CCDC178: variants seen among roughly 807,000 people sequenced by gnomAD.
CCDC178 encodes the protein coiled-coil domain-containing protein 178.
In CCDC178, 126 loss-of-function variants were observed where a neutral mutation model predicts 117.4. That is an observed-to-expected ratio of 1.07 (90% confidence interval 0.93 to 1.24). The LOEUF is 1.24. Among genes scored for constraint, CCDC178 ranks in the 50% most tolerant of loss-of-function variants. CCDC178 has a pLI of 0.00. For synonymous variants in CCDC178, 283 were observed against 313.4 expected (o/e 0.90, Z 1.02); for missense variants, 1,030 against 986.9 (o/e 1.04, Z -0.59).
At chr18:33,432,717 T>C (rs969214038) in intron 2 of CCDC178, among the ~76,000 whole-genome samples, 2 of 152,208 alleles carry the variant, frequency 1.3e-5, no homozygotes, top group East Asian at 1.9e-4. Context: ...GGATTATTTA[T>C]GATGCTCTGT....
chr18:33,401,810 T>C (rs933293480), intron 3 of CCDC178, among the ~76,000 whole-genome samples: 5 of 152,044 alleles, frequency 3.3e-5, no homozygotes, highest in Non-Finnish European at 5.9e-5. Flanking sequence ...AGGTTTTATT[T>C]ATATAAGTTG....
intron 3 of CCDC178, among the ~76,000 whole-genome samples, chr18:33,410,274 G>A (rs1599286091): frequency 6.6e-6 from 1 of 152,104 alleles, no homozygotes; most frequent in East Asian, 1.9e-4. Context: ...ATTTAAATAT[G>A]AGTTACACAC....
intron 12 of CCDC178, among the ~76,000 whole-genome samples, chr18:33,272,829 T>C (rs1401630578): frequency 2.0e-5 from 3 of 151,446 alleles, no homozygotes; most frequent in African/African-American, 7.2e-5. Context: ...AGAAAAATCA[T>C]TTGAAATATT....
At chr18:33,220,802 G>A (rs548839974) in intron 18 of CCDC178, among the ~76,000 whole-genome samples, 8 of 151,962 alleles carry the variant, frequency 5.3e-5, no homozygotes, top group Non-Finnish European at 1.0e-4. Flanking sequence ...TACCCATGCT[G>A]GGAAAATGAT....
In CCDC178 at chr18:32,974,570, T is replaced by A. The variant is rs1210070297; in HGVS notation, c.2500A>T (p.Ile834Phe). The change falls in exon 22 of 23, where the codon ATT (isoleucine) becomes TTT (phenylalanine). Residue 834 changes from isoleucine (I) to phenylalanine (F), a missense_variant. Physicochemically the swap from Ile to Phe is conservative, Grantham distance 21 (BLOSUM62 0). Transcript: ENST00000383096. Reference sequence around the variant, plus strand: ...ACCTGCACAGCTAATATTTTCTGAATACTCTCCTGAGAGTCTGTCTGGAAG... The same window carrying A: ...ACCTGCACAGCTAATATTTTCTGAAAACTCTCCTGAGAGTCTGTCTGGAAG... ...ANFQTDSQES[I>F]QKILAVQEES... 1 of 1,613,606 alleles carries A rather than the reference T, an allele frequency of 6.2e-7. No individual in the cohort carries two copies.
At chr18:33,432,656 G>T (rs144566456) in intron 2 of CCDC178, among the ~76,000 whole-genome samples, 1,708 of 152,210 alleles carry the variant, frequency 0.011, 36 homozygotes, top group African/African-American at 0.039. Flanking sequence ...TCTAAAGAAA[G>T]ACTGAATCTC....
At chr18:32,957,555 C>T (rs1347985843) in intron 22 of CCDC178, among the ~76,000 whole-genome samples, 2 of 152,124 alleles carry the variant, frequency 1.3e-5, no homozygotes, top group Admixed American at 1.3e-4. Context: ...ATTAGGGAGC[C>T]TTACCTTCAT....
chr18:33,411,158 C>T (rs2063846169), intron 3 of CCDC178, among the ~76,000 whole-genome samples: 1 of 152,098 alleles, frequency 6.6e-6, no homozygotes, highest in African/African-American at 2.4e-5. Context: ...GCTGTATGCA[C>T]CTGCATTTTT....
intron 2 of CCDC178, among the ~76,000 whole-genome samples, chr18:33,421,874 AT>A (rs1381484814): frequency 2.6e-5 from 4 of 152,230 alleles, no homozygotes; most frequent in African/African-American, 9.6e-5. Context: ...TTACACATCA[AT>A]TGTTTCAAAA....
At chr18:33,303,124 G>A (rs2062200231) in intron 11 of CCDC178, among the ~76,000 whole-genome samples, 1 of 152,060 alleles carries the variant, frequency 6.6e-6, no homozygotes, top group Non-Finnish European at 1.5e-5. Context: ...TACCCCATGA[G>A]TATATACATA....
intron 21 of CCDC178, among the ~76,000 whole-genome samples, chr18:33,075,518 A>G (rs2145012543): frequency 6.6e-6 from 1 of 152,294 alleles, no homozygotes; most frequent in African/African-American, 2.4e-5. Context: ...AAAACATTTT[A>G]TGTATCTATA....
intron 21 of CCDC178, among the ~76,000 whole-genome samples, chr18:33,070,593 T>TAACCATCA (rs2057091384): frequency 6.6e-6 from 1 of 152,046 alleles, no homozygotes; most frequent in Non-Finnish European, 1.5e-5. Context: ...GGTCCTATAG[T>TAACCATCA]TTGATAGCAT....
chr18:33,164,889 A>T (rs1034201845), intron 20 of CCDC178, among the ~76,000 whole-genome samples: 1 of 152,194 alleles, frequency 6.6e-6, no homozygotes, highest in Non-Finnish European at 1.5e-5. Flanking sequence ...AAGTCATATC[A>T]ATAAACCTTT....
intron 21 of CCDC178, among the ~76,000 whole-genome samples, chr18:33,034,795 C>T (rs559065607): frequency 6.6e-6 from 1 of 151,912 alleles, no homozygotes; most frequent in African/African-American, 2.4e-5. Flanking sequence ...AGTAGTAGTT[C>T]CTCAATATGT....
At chr18:33,368,300 G>A (rs1039298439) in intron 6 of CCDC178, among the ~76,000 whole-genome samples, 5 of 151,948 alleles carry the variant, frequency 3.3e-5, no homozygotes, top group African/African-American at 4.8e-5. Flanking sequence ...TGCCTCAGAT[G>A]TATGCAGAAT....
chr18:33,100,167 C>A (rs2057603277), intron 20 of CCDC178, among the ~76,000 whole-genome samples: 2 of 151,820 alleles, frequency 1.3e-5, no homozygotes, highest in Non-Finnish European at 2.9e-5. Flanking sequence ...CTGCCCTACC[C>A]CAGCTCCCAA....
intron 20 of CCDC178, among the ~76,000 whole-genome samples, chr18:33,163,201 T>C (rs1282206680): frequency 2.6e-5 from 4 of 152,220 alleles, no homozygotes; most frequent in African/African-American, 9.6e-5. Context: ...TGAGCGTTTT[T>C]TTCATATGCT....
At chr18:33,402,496 C>A (rs1260872970) in intron 3 of CCDC178, among the ~76,000 whole-genome samples, 3 of 152,132 alleles carry the variant, frequency 2.0e-5, no homozygotes, top group African/African-American at 4.8e-5. Flanking sequence ...AAAGAACTGT[C>A]ATTTTTAGAA....
At chr18:32,982,130 C>T (rs549260096) in intron 21 of CCDC178, among the ~76,000 whole-genome samples, 1 of 152,078 alleles carries the variant, frequency 6.6e-6, no homozygotes, top group African/African-American at 2.4e-5. Flanking sequence ...TGAAAACACA[C>T]TTTGGATAAA....
Sources: allele counts gnomAD v4.1 joint callset (sites outside exome capture counted in the v4.1 genomes callset), GRCh38; gene constraint gnomAD v4.1.1; transcripts MANE v1.5; gene names NCBI Gene and HGNC (gene_info 2026-07-23, HGNC 2026-07-21).